Variants in EGFR observed in about 807,000 individuals in gnomAD.
EGFR encodes epidermal growth factor receptor, also known as avian erythroblastic leukemia viral (v-erb-b) oncogene homolog.
Under a neutral mutation model 143.0 loss-of-function variants are expected in EGFR, and 58 were observed. That is an observed-to-expected ratio of 0.41 (90% CI 0.33 to 0.50). EGFR has a LOEUF of 0.50. Among genes scored for constraint, EGFR ranks in the 20% least tolerant of loss-of-function variants. EGFR has a pLI of 0.39. For synonymous variants in EGFR, 613 were observed against 594.4 expected (o/e 1.03, Z -0.45); for missense variants, 1,307 against 1,579.0 (o/e 0.83, Z 2.92).
intron 23 of EGFR, 150 bp downstream of exon 23, chr7:55,199,013 T>G (rs1406139787): frequency 4.8e-6 from 5 of 1,032,824 alleles, no homozygotes; most frequent in Non-Finnish European, 7.2e-6. Flanking sequence ...AAATACCCCT[T>G]CAAGCATTCT....
chr7:55,128,623 G>A (rs1467207592), intron 1 of EGFR, among the ~76,000 whole-genome samples: 1 of 152,144 alleles, frequency 6.6e-6, no homozygotes, highest in Non-Finnish European at 1.5e-5. Context: ...GCATGGCAAT[G>A]ATATCTTTTC....
chr7:55,182,555 C>T (rs1002683171), intron 20 of EGFR: 1 of 152,234 alleles, frequency 6.6e-6, no homozygotes, highest in African/African-American at 2.4e-5. Context: ...CAGGCTGTTG[C>T]TGGGAGCCGT....
At chr7:55,037,636 T>A (rs947733170) in intron 1 of EGFR, among the ~76,000 whole-genome samples, 3 of 152,138 alleles carry the variant, frequency 2.0e-5, no homozygotes, top group African/African-American at 7.2e-5. Context: ...AAGACCAAAT[T>A]TGCCTTGAAA....
intron 1 of EGFR, among the ~76,000 whole-genome samples, chr7:55,054,955 G>T (rs1383044407): frequency 6.6e-6 from 1 of 152,176 alleles, no homozygotes; most frequent in Non-Finnish European, 1.5e-5. Context: ...GCTCCGTGTG[G>T]CGAGATGCAC....
intron 24 of EGFR, 145 bp from the exon 25 acceptor site, chr7:55,201,043 A>G (rs1787823819): frequency 1.0e-6 from 1 of 980,638 alleles, no homozygotes; most frequent in Admixed American, 2.0e-5. Context: ...AGGCAGCTAT[A>G]ATTTAGAGAA....
At chr7:55,191,974 T>A (rs2128964935) in intron 21 of EGFR, 100 bp downstream of exon 21, 3 of 1,553,640 alleles carry the variant, frequency 1.9e-6, no homozygotes, top group Non-Finnish European at 2.6e-6. Flanking sequence ...GGGAGGATGC[T>A]CTCCAGACAT....
At chr7:55,068,065 T>C (rs906036520) in intron 1 of EGFR, among the ~76,000 whole-genome samples, 5 of 117,926 alleles carry the variant, frequency 4.2e-5, no homozygotes, top group East Asian at 6.6e-4. Flanking sequence ...TATGTACGCG[T>C]GTGCATACGT....
intron 1 of EGFR, among the ~76,000 whole-genome samples, chr7:55,112,685 C>T (rs962774089): frequency 3.9e-5 from 6 of 152,154 alleles, no homozygotes; most frequent in African/African-American, 1.4e-4. Context: ...AAGTAGGAAA[C>T]GCTGGATGGG....
At chr7:55,115,207 G>T (rs965633930) in intron 1 of EGFR, among the ~76,000 whole-genome samples, 1 of 152,106 alleles carries the variant, frequency 6.6e-6, no homozygotes, top group African/African-American at 2.4e-5. Flanking sequence ...AATACCATAA[G>T]TTAAAATATC....
intron 1 of EGFR, among the ~76,000 whole-genome samples, chr7:55,137,600 G>C (rs1347784773): frequency 6.6e-6 from 1 of 152,196 alleles, no homozygotes; most frequent in Non-Finnish European, 1.5e-5. Context: ...GCCCGCCCTA[G>C]ATGTCCAACA....
intron 1 of EGFR, among the ~76,000 whole-genome samples, chr7:55,102,501 C>T (rs1246733321): frequency 1.3e-5 from 2 of 152,298 alleles, no homozygotes; most frequent in African/African-American, 4.8e-5. Flanking sequence ...TGGACTTGGA[C>T]ATGCACACTG....
At chr7:55,106,949 A>G (rs1261181143) in intron 1 of EGFR, among the ~76,000 whole-genome samples, 2 of 152,244 alleles carry the variant, frequency 1.3e-5, no homozygotes, top group Admixed American at 6.5e-5. Context: ...GGCTTTCACA[A>G]TAAACATCCT....
rs781609053 is a variant in EGFR at position 55,200,379 on chromosome 7, T to G, written c.2912T>G (p.Met971Arg). The G allele has an allele frequency of 6.2e-7, 1 of 1,614,188 alleles. No homozygotes were observed. The change falls in exon 24 of 28, where the codon ATG becomes AGG. Residue 971 changes from methionine to arginine, a missense_variant. Coordinates refer to ENST00000275493, the MANE Select transcript of EGFR (RefSeq NM_005228.5). ...GAGTTGATCATCGAATTCTCCAAAA[T>G]GGCCCGAGACCCCCAGCGCTACCTT... ...FRELIIEFSK[M>R]ARDPQRYLVI...
chr7:55,029,052 A>G (rs1787102108), intron 1 of EGFR, among the ~76,000 whole-genome samples: 1 of 152,266 alleles, frequency 6.6e-6, no homozygotes, highest in Admixed American at 6.5e-5. Context: ...CCAGCTACTC[A>G]GGAGGCTGAG....
rs758956103 is a variant in EGFR at position 55,157,703 on chromosome 7, C to G, written c.1248C>G (p.Asp416Glu). 2.5e-6 allele frequency: 4 copies of G among 1,614,246 alleles called. No individual in the cohort carries two copies. Among genetic ancestry groups the G allele is most frequent in the Non-Finnish European group, 3.4e-6 (4 of 1,180,044 alleles). ...LIQAWPENRTDLHAFENLEII... is the reference protein window; with the variant it reads ...LIQAWPENRTELHAFENLEII... ...AGGCTTGGCCTGAAAACAGGACGGA[C>G]CTCCATGCCTTTGAGAACCTAGAAA... The change falls in exon 11 of 28, where the codon GAC becomes GAG. Residue 416 changes from aspartate (D) to glutamate (E), a missense_variant. Physicochemically the swap from Asp to Glu is conservative, Grantham distance 45. Transcript: ENST00000275493.
At chr7:55,071,666 C>T (rs1789838705) in intron 1 of EGFR, among the ~76,000 whole-genome samples, 1 of 152,248 alleles carries the variant, frequency 6.6e-6, no homozygotes, top group African/African-American at 2.4e-5. Context: ...GGCACACGCA[C>T]AGCTCCCAAG....
At chr7:55,098,345 G>T (rs2128899294) in intron 1 of EGFR, among the ~76,000 whole-genome samples, 1 of 152,314 alleles carries the variant, frequency 6.6e-6, no homozygotes, top group East Asian at 1.9e-4. Context: ...CCTGAGGGTG[G>T]TCTGACCCGA....
In EGFR at chr7:55,209,858, T is replaced by A. The variant is rs1788197504; in HGVS notation, c.*4241T>A. ...CAAACACAGTTTACTTTAGAGAGAC[T>A]GCAATAGAATCAAAATTTGAAACTG... is the stretch of plus-strand genomic sequence containing the variant. On this transcript the variant is annotated 3_prime_UTR_variant, in exon 28 of 28. Coordinates refer to ENST00000275493, the MANE Select transcript of EGFR (RefSeq NM_005228.5). 1 of 152,222 alleles carries A rather than the reference T, an allele frequency of 6.6e-6. No homozygotes were observed. The highest frequency in any genetic ancestry group is 1.5e-5 in the Non-Finnish European group (1 of 68,036). 9.4% of individuals were successfully genotyped at this position (152,222 alleles called of 1,614,324 possible). A position where few individuals can be genotyped will look rare whatever the true frequency, so the allele number is the denominator to read the frequency against.
chr7:55,052,080 C>T (rs897452988), intron 1 of EGFR, among the ~76,000 whole-genome samples: 2 of 152,172 alleles, frequency 1.3e-5, no homozygotes, highest in African/African-American at 4.8e-5. Flanking sequence ...ATGAGAGGAC[C>T]CTGGATCCCA....
Sources: allele counts gnomAD v4.1 joint callset (sites outside exome capture counted in the v4.1 genomes callset), GRCh38; gene constraint gnomAD v4.1.1; transcripts MANE v1.5; gene names NCBI Gene and HGNC (gene_info 2026-07-23, HGNC 2026-07-21).